Variants in ELP4 observed in about 807,000 individuals in gnomAD.
ELP4 encodes elongator complex protein 4.
A neutral mutation model predicts 48.9 loss-of-function variants in ELP4; 51 were observed. The observed-to-expected ratio is 1.04, with a 90% CI of 0.83 to 1.32. The LOEUF is 1.32. ELP4 is among the 40% of genes most tolerant of loss of function. The pLI is 0.00. For synonymous variants in ELP4, 210 were observed against 189.2 expected (o/e 1.11, Z -0.90); for missense variants, 519 against 514.6 (o/e 1.01, Z -0.08).
At chr11:31,763,639 A>T (rs1399666176) in intron 9 of ELP4, 1 of 1,324,816 alleles carries the variant, frequency 7.5e-7, no homozygotes, top group Admixed American at 2.5e-5. Flanking sequence ...TGATAGTTTA[A>T]GGTGTTCACA....
chr11:31,725,025 G>A (rs1034279746), intron 9 of ELP4, among the ~76,000 whole-genome samples: 1 of 152,178 alleles, frequency 6.6e-6, no homozygotes, highest in Non-Finnish European at 1.5e-5. Context: ...GCAAGACCTG[G>A]TTCCTCCAAT....
intron 2 of ELP4, among the ~76,000 whole-genome samples, chr11:31,536,582 C>T (rs7939576): frequency 0.026 from 4,033 of 152,206 alleles, 169 homozygotes; most frequent in African/African-American, 0.092. Context: ...CAACTCCTGA[C>T]CTCAAGCAAT....
intron 9 of ELP4, among the ~76,000 whole-genome samples, chr11:31,672,103 C>G (rs1441365015): frequency 6.6e-6 from 1 of 152,086 alleles, no homozygotes; most frequent in Non-Finnish European, 1.5e-5. Flanking sequence ...CTCTTCAACC[C>G]TGATATCTAT....
intron 8 of ELP4, chr11:31,649,580 G>A (rs1031340324): frequency 6.6e-6 from 1 of 151,720 alleles, no homozygotes; most frequent in African/African-American, 2.4e-5. Context: ...TGGCATAGGG[G>A]TTAATGTTTG....
chr11:31,634,021 T>C (rs935372553), intron 7 of ELP4: 4 of 152,092 alleles, frequency 2.6e-5, no homozygotes, highest in Non-Finnish European at 5.9e-5. Context: ...AAGATAGCTG[T>C]GATTTCACCC....
At position 31,783,428 on chromosome 11, in the gene ELP4, G is replaced by T; in HGVS notation, c.1179G>T (p.Val393=). ...TGCCTCCAGACTTGTCAGACACAGT[G>T]AGCCGCTCAAGCAAAATGGATCTGG... ...LHLPPDLSDT[V]SRSSKMDLAE... is the part of the protein sequence containing the mutation. The change falls in exon 10 of 10, where the codon GTG becomes GTT. Residue 393 remains valine (V), a synonymous_variant. Coordinates refer to ENST00000640961, the MANE Select transcript of ELP4 (RefSeq NM_019040.5). The T allele has an allele frequency of 6.2e-7, 1 of 1,614,052 alleles. No individual in the cohort carries two copies.
chr11:31,693,144 T>C (rs1946317062), intron 9 of ELP4, among the ~76,000 whole-genome samples: 1 of 151,966 alleles, frequency 6.6e-6, no homozygotes, highest in Non-Finnish European at 1.5e-5. Flanking sequence ...GGAAATAATC[T>C]TAAACTCGTT....
intron 9 of ELP4, among the ~76,000 whole-genome samples, chr11:31,744,194 A>G (rs1465414381): frequency 6.6e-6 from 1 of 152,232 alleles, no homozygotes; most frequent in East Asian, 1.9e-4. Context: ...TAAACCAGGA[A>G]GAAGTTGAAT....
intron 2 of ELP4, among the ~76,000 whole-genome samples, chr11:31,538,930 G>C (rs1299695419): frequency 6.6e-6 from 1 of 152,078 alleles, no homozygotes; most frequent in Non-Finnish European, 1.5e-5. Context: ...ATGATGTGTA[G>C]TTTTGTAAAA....
At chr11:31,768,640 A>T (rs1948084634) in intron 9 of ELP4, among the ~76,000 whole-genome samples, 1 of 152,226 alleles carries the variant, frequency 6.6e-6, no homozygotes, top group Non-Finnish European at 1.5e-5. Context: ...TACCAGGTAG[A>T]CTTTGTCAAA....
chr11:31,655,466 T>C (rs1945414282), intron 9 of ELP4, among the ~76,000 whole-genome samples: 2 of 152,108 alleles, frequency 1.3e-5, no homozygotes, highest in South Asian at 2.1e-4. Flanking sequence ...GTGAACCCCA[T>C]AGTTAGCTAT....
At chr11:31,763,436 A>C in intron 9 of ELP4, 1 of 1,608,646 alleles carries the variant, frequency 6.2e-7, no homozygotes. Flanking sequence ...TACTTGAGAC[A>C]AGAGAGGAAC....
chr11:31,533,342 C>T (rs568784893), intron 2 of ELP4, among the ~76,000 whole-genome samples: 3 of 142,478 alleles, frequency 2.1e-5, no homozygotes, highest in Non-Finnish European at 3.0e-5. Flanking sequence ...CAGTTTCATC[C>T]GTGTTGCTGC....
intron 5 of ELP4, among the ~76,000 whole-genome samples, chr11:31,620,691 A>G (rs1944602223): frequency 1.3e-5 from 2 of 151,978 alleles, no homozygotes; most frequent in Non-Finnish European, 2.9e-5. Context: ...TTACATCAGT[A>G]ATTAAAGGAA....
chr11:31,673,945 A>G (rs1433973078), intron 9 of ELP4, among the ~76,000 whole-genome samples: 1 of 152,232 alleles, frequency 6.6e-6, no homozygotes, highest in African/African-American at 2.4e-5. Context: ...CATTATAATA[A>G]AACATTCATT....
chr11:31,629,454 A>G (rs1592172624), intron 6 of ELP4, among the ~76,000 whole-genome samples: 2 of 152,040 alleles, frequency 1.3e-5, no homozygotes, highest in Admixed American at 1.3e-4. Context: ...ATGTTCAATT[A>G]TATCTGTTGT....
At position 31,680,736 on chromosome 11, in the gene ELP4, A is replaced by G. The variant is rs185855000; in HGVS notation, c.1143+30515A>G. Among the ~76,000 whole-genome samples the G allele has an allele frequency of 1.3e-4, 20 of 152,352 alleles. 1 individual carries two copies. Among genetic ancestry groups the G allele is most frequent in the Admixed American group, 2.0e-4 (3 of 15,308 alleles). On this transcript the variant is annotated intron_variant, in intron 9 of 9. Coordinates refer to ENST00000640961, the MANE Select transcript of ELP4 (RefSeq NM_019040.5). ...ATTTAATCTTCTAATGTTGTGTTCA[A>G]TAGGCTGCACAGTAGATGAACCTAC... is the stretch of plus-strand genomic sequence containing the variant.
chr11:31,740,092 A>G (rs1695945306), intron 9 of ELP4, among the ~76,000 whole-genome samples: 1 of 152,372 alleles, frequency 6.6e-6, no homozygotes, highest in African/African-American at 2.4e-5. Flanking sequence ...AAAACTATAT[A>G]GCAATCATTT....
At chr11:31,631,645 G>A (rs1350725589) in intron 6 of ELP4, among the ~76,000 whole-genome samples, 1 of 152,010 alleles carries the variant, frequency 6.6e-6, no homozygotes, top group Non-Finnish European at 1.5e-5. Flanking sequence ...GGTTCTAAAT[G>A]TTCACCTGTT....
Sources: allele counts gnomAD v4.1 joint callset (sites outside exome capture counted in the v4.1 genomes callset), GRCh38; gene constraint gnomAD v4.1.1; transcripts MANE v1.5; gene names NCBI Gene and HGNC (gene_info 2026-07-23, HGNC 2026-07-21).